Variants in NRXN3 observed in about 807,000 individuals in gnomAD.
NRXN3 encodes neurexin III.
In NRXN3, 32 loss-of-function variants were observed where a neutral mutation model predicts 137.6. That is an observed-to-expected ratio of 0.23 (90% CI 0.18 to 0.31). The LOEUF (loss-of-function observed/expected upper bound fraction) is 0.31, where lower values mean the gene tolerates loss of function less well. NRXN3 is among the 10% of genes least tolerant of loss of function. The pLI is 1.00. For synonymous variants in NRXN3, 798 were observed against 784.5 expected (o/e 1.02, Z -0.29); for missense variants, 1,574 against 2,062.5 (o/e 0.76, Z 4.59).
chr14:78,390,988 T>C (rs1216935504), intron 4 of NRXN3, among the ~76,000 whole-genome samples: 1 of 152,182 alleles, frequency 6.6e-6, no homozygotes, highest in Non-Finnish European at 1.5e-5. Context: ...TGTGTCCATG[T>C]GTTCTCATTC....
intron 10 of NRXN3, among the ~76,000 whole-genome samples, chr14:78,846,100 A>G (rs1204809036): frequency 6.6e-6 from 1 of 152,082 alleles, no homozygotes; most frequent in Non-Finnish European, 1.5e-5. Context: ...CAGTACTCAT[A>G]AACATCCTAT....
At chr14:78,396,244 A>G (rs2091443047) in intron 4 of NRXN3, among the ~76,000 whole-genome samples, 1 of 151,974 alleles carries the variant, frequency 6.6e-6, no homozygotes, top group Non-Finnish European at 1.5e-5. Context: ...AAGTGTGGAA[A>G]CCTTTATGTA....
chr14:79,304,282 G>C (rs895661287), intron 15 of NRXN3, among the ~76,000 whole-genome samples: 26 of 152,042 alleles, frequency 1.7e-4, no homozygotes, highest in African/African-American at 6.0e-4. Context: ...CACTCTGTAG[G>C]CATTTTGCAT....
chr14:79,732,097 T>C (rs1439365854), intron 19 of NRXN3, among the ~76,000 whole-genome samples: 1 of 152,184 alleles, frequency 6.6e-6, no homozygotes, highest in African/African-American at 2.4e-5. Flanking sequence ...TCTTTGTCTC[T>C]ATTTTTGCCT....
chr14:78,371,555 T>C (rs2086834584), intron 4 of NRXN3, among the ~76,000 whole-genome samples: 1 of 152,178 alleles, frequency 6.6e-6, no homozygotes, highest in South Asian at 2.1e-4. Flanking sequence ...ACTGAGCTGT[T>C]TAACACTTAA....
rs1278836118 is a variant in NRXN3 at position 78,920,390 on chromosome 14, G to T, written c.2276-36852G>T. 2.6e-5 allele frequency among the ~76,000 whole-genome samples: 4 copies of T among 152,150 alleles called. No homozygotes were observed. In the East Asian group the frequency reaches 7.7e-4, roughly 29 times the overall value. On this transcript the variant is annotated intron_variant, in intron 10 of 20. Coordinates refer to ENST00000335750, the MANE Select transcript of NRXN3 (RefSeq NM_001330195.2). ...GAAAATACTGGAAATTTTTATTTTA[G>T]TTTTACTTGAAAAAAGTATAAATTT... is the stretch of plus-strand genomic sequence containing the variant.
chr14:79,507,952 G>C (rs11849345), intron 16 of NRXN3, among the ~76,000 whole-genome samples: 48,257 of 151,918 alleles, frequency 0.32, 8,041 homozygotes, highest in Middle Eastern at 0.38. Context: ...CTACATCAGA[G>C]ACTTCTGTGT....
intron 15 of NRXN3, among the ~76,000 whole-genome samples, chr14:79,028,101 G>T (rs2099601517): frequency 6.6e-6 from 1 of 152,108 alleles, no homozygotes; most frequent in Non-Finnish European, 1.5e-5. Context: ...ATGTACGAAG[G>T]ATCCAATAAA....
rs1182731662 is a variant in NRXN3 at position 78,926,783 on chromosome 14, AATATATT to A, written c.2276-30444_2276-30438del. 4.3e-4 allele frequency among the ~76,000 whole-genome samples: 14 copies of A among 32,252 alleles called. 2 individuals carry two copies. The South Asian group carries it at 4.6e-3, about 11-fold the overall frequency. The allele number at this position is 32,252 out of a possible 152,430, so 21.2% of individuals were successfully genotyped here. A position where few individuals can be genotyped will look rare whatever the true frequency, so the allele number is the denominator to read the frequency against. On this transcript the variant is annotated intron_variant, in intron 10 of 20. Coordinates refer to ENST00000335750, the MANE Select transcript of NRXN3 (RefSeq NM_001330195.2). Reference sequence around the variant, plus strand: ...TATATTATATATATTATATATATAAAATATATTATATATTATATATTTATATATATTA... The same window carrying A: ...TATATTATATATATTATATATATAAAATATATTATATATTTATATATATTA...
At chr14:79,425,293 T>G (rs559647051) in intron 15 of NRXN3, among the ~76,000 whole-genome samples, 1 of 152,338 alleles carries the variant, frequency 6.6e-6, no homozygotes, top group Non-Finnish European at 1.5e-5. Flanking sequence ...GCTCGATCAC[T>G]GGCATGGGAT....
intron 16 of NRXN3, among the ~76,000 whole-genome samples, chr14:79,630,740 AG>A (rs1365036114): frequency 6.6e-6 from 1 of 152,196 alleles, no homozygotes; most frequent in Non-Finnish European, 1.5e-5. Context: ...GCGTGAAAAT[AG>A]TCCTTCTATA....
chr14:78,548,431 A>C (rs2096656486), intron 4 of NRXN3, among the ~76,000 whole-genome samples: 1 of 152,200 alleles, frequency 6.6e-6, no homozygotes, highest in African/African-American at 2.4e-5. Flanking sequence ...GACTCTACCA[A>C]GTGGAACAAA....
intron 15 of NRXN3, among the ~76,000 whole-genome samples, chr14:79,177,088 G>A (rs80285644): frequency 0.036 from 5,424 of 152,334 alleles, 241 homozygotes; most frequent in East Asian, 0.22. Flanking sequence ...AGATGAAGGT[G>A]AGGATGACTT....
intron 15 of NRXN3, among the ~76,000 whole-genome samples, chr14:79,069,973 C>T (rs1016688004): frequency 1.3e-5 from 2 of 152,120 alleles, no homozygotes; most frequent in African/African-American, 4.8e-5. Flanking sequence ...CAGGATATGA[C>T]AGTCAACATT....
intron 4 of NRXN3, among the ~76,000 whole-genome samples, chr14:78,502,573 A>G (rs12586362): frequency 0.42 from 63,083 of 151,728 alleles, 13,240 homozygotes; most frequent in East Asian, 0.5. Flanking sequence ...GAGATGCACA[A>G]GTCTTGATAA....
At chr14:79,794,520 A>G (rs2099155287) in intron 19 of NRXN3, among the ~76,000 whole-genome samples, 1 of 152,206 alleles carries the variant, frequency 6.6e-6, no homozygotes, top group African/African-American at 2.4e-5. Flanking sequence ...CCTGAATGCC[A>G]TTGCCTTCTC....
intron 4 of NRXN3, among the ~76,000 whole-genome samples, chr14:78,387,833 T>C (rs963338891): frequency 6.6e-6 from 1 of 152,180 alleles, no homozygotes; most frequent in Non-Finnish European, 1.5e-5. Context: ...TTGTGGCTGA[T>C]ATAAAGTATT....
chr14:78,671,411 T>A (rs1290019164), intron 6 of NRXN3, among the ~76,000 whole-genome samples: 2 of 152,192 alleles, frequency 1.3e-5, no homozygotes, highest in Admixed American at 6.5e-5. Flanking sequence ...TTCAAACTTT[T>A]AAAAATGTAT....
intron 15 of NRXN3, chr14:79,246,943 T>C (rs1368375510): frequency 6.6e-6 from 1 of 152,234 alleles, no homozygotes; most frequent in Admixed American, 6.6e-5. Context: ...GTATTTACAG[T>C]CCCCACCATT....
Sources: allele counts gnomAD v4.1 joint callset (sites outside exome capture counted in the v4.1 genomes callset), GRCh38; gene constraint gnomAD v4.1.1; transcripts MANE v1.5; gene names NCBI Gene and HGNC (gene_info 2026-07-23, HGNC 2026-07-21).